OSBPL10: variants seen among roughly 807,000 people sequenced by gnomAD.
OSBPL10 encodes oxysterol-binding protein-related protein 10.
In OSBPL10, 49 loss-of-function variants were observed where a neutral mutation model predicts 81.7. The ratio of observed to expected loss-of-function variants is 0.60; its 90% confidence interval spans 0.48 to 0.76. The LOEUF is 0.76. Among genes scored for constraint, OSBPL10 ranks in the 30% least tolerant of loss-of-function variants. The probability of loss-of-function intolerance (pLI) is 0.00; values close to 1 mark genes in which losing one functional copy is unlikely to be tolerated. For missense variants in OSBPL10, 923 were observed against 987.8 expected (o/e 0.93, Z 0.88); for synonymous variants, 419 against 383.6 (o/e 1.09, Z -1.08).
In OSBPL10 at chr3:31,661,968, C is replaced by G; in HGVS notation, c.*104G>C. 1 of 1,465,858 alleles carries G rather than the reference C, an allele frequency of 6.8e-7. No individual in the cohort carries two copies. Among genetic ancestry groups the G allele is most frequent in the Non-Finnish European group, 9.3e-7 (1 of 1,076,786 alleles). The allele number at this position is 1,465,858 out of a possible 1,614,324, so 90.8% of individuals were successfully genotyped here. ...TCTCTCTCTCATCATTTCTTGGATG[C>G]TAATACAAGGTCTCAGTGAATGCCA... On this transcript the variant is annotated 3_prime_UTR_variant, in exon 12 of 12. Coordinates refer to ENST00000396556, the MANE Select transcript of OSBPL10 (RefSeq NM_017784.5).
At chr3:31,762,629 C>CTTTTTTTTTTTTT (rs1491572896) in intron 4 of OSBPL10, among the ~76,000 whole-genome samples, 6 of 17,234 alleles carry the variant, frequency 3.5e-4, no homozygotes, top group East Asian at 3.0e-3. Context: ...CCATGCCCAG[C>CTTTTTTTTTTTTT]ATTTTTTTTT....
chr3:32,026,092 T>TGATA (rs66576967), intron 2 of OSBPL10, among the ~76,000 whole-genome samples: 2 of 137,730 alleles, frequency 1.5e-5, no homozygotes, highest in Non-Finnish European at 3.1e-5. Flanking sequence ...GATAGATAGA[T>TGATA]GATAGATAGA....
chr3:32,058,750 CTTG>C (rs1699732264), intron 1 of OSBPL10, among the ~76,000 whole-genome samples: 1 of 152,228 alleles, frequency 6.6e-6, no homozygotes, highest in Admixed American at 6.5e-5. Flanking sequence ...TTACTGCAGC[CTTG>C]ACCTGGGCTC....
rs1447224271 is a variant in OSBPL10 at position 31,807,429 on chromosome 3, A to C, written c.729+22611T>G. ...AGATTCACTCTGCATGCTGTGTTGG[A>C]GGATATATGGTGGGTGTCAAGGGCA... On this transcript the variant is annotated intron_variant, in intron 4 of 11. Transcript: ENST00000396556. 2.0e-5 allele frequency among the ~76,000 whole-genome samples: 3 copies of C among 150,406 alleles called. No individual in the cohort carries two copies. The East Asian group carries it at 5.8e-4, about 29-fold the overall frequency.
At chr3:31,958,157 G>C (rs1453471830) in intron 1 of OSBPL10, among the ~76,000 whole-genome samples, 1 of 152,180 alleles carries the variant, frequency 6.6e-6, no homozygotes, top group Non-Finnish European at 1.5e-5. Context: ...TTAACTTAGA[G>C]CTAAAGCGTG....
chr3:31,713,029 A>G (rs1248414584), intron 6 of OSBPL10, among the ~76,000 whole-genome samples: 2 of 152,088 alleles, frequency 1.3e-5, no homozygotes, highest in African/African-American at 4.8e-5. Flanking sequence ...AGCCACCGTC[A>G]CCTCTCTCTC....
intron 1 of OSBPL10, among the ~76,000 whole-genome samples, chr3:32,059,897 GCCAGAC>G (rs1699742222): frequency 6.6e-6 from 1 of 152,048 alleles, no homozygotes; most frequent in Non-Finnish European, 1.5e-5. Flanking sequence ...GGGAGACAGA[GCCAGAC>G]CCTGTCTCAA....
intron 6 of OSBPL10, among the ~76,000 whole-genome samples, chr3:31,731,411 T>C (rs951429342): frequency 9.9e-5 from 15 of 151,996 alleles, no homozygotes; most frequent in African/African-American, 3.6e-4. Flanking sequence ...TCTACTTTAA[T>C]GAAAAAAGCT....
At chr3:31,844,514 C>CA (rs1435962285) in intron 3 of OSBPL10, among the ~76,000 whole-genome samples, 2 of 152,104 alleles carry the variant, frequency 1.3e-5, no homozygotes, top group Non-Finnish European at 1.5e-5. Context: ...TGTTGAAACT[C>CA]AAAAACATTA....
intron 3 of OSBPL10, among the ~76,000 whole-genome samples, chr3:31,843,592 T>C (rs1700555710): frequency 6.6e-6 from 1 of 152,196 alleles, no homozygotes; most frequent in Non-Finnish European, 1.5e-5. Flanking sequence ...CAAAATGGTA[T>C]GCTTGCTTTA....
intron 1 of OSBPL10, among the ~76,000 whole-genome samples, chr3:31,966,176 T>A (rs1457790744): frequency 1.3e-5 from 2 of 148,184 alleles, no homozygotes; most frequent in Non-Finnish European, 3.0e-5. Context: ...TGTGTGTGTG[T>A]GTGTGTGTGT....
At chr3:31,886,674 G>A (rs183544154) in intron 1 of OSBPL10, among the ~76,000 whole-genome samples, 2,470 of 152,298 alleles carry the variant, frequency 0.016, 64 homozygotes, top group African/African-American at 0.056. Context: ...GGATGCGGTG[G>A]ATCACGCCTG....
intron 3 of OSBPL10, among the ~76,000 whole-genome samples, chr3:31,838,929 C>T (rs541949922): frequency 6.6e-6 from 1 of 152,232 alleles, no homozygotes; most frequent in African/African-American, 2.4e-5. Flanking sequence ...GACTACACCC[C>T]GCATAGCATT....
intron 2 of OSBPL10, among the ~76,000 whole-genome samples, chr3:31,877,200 G>A (rs999980017): frequency 2.6e-5 from 4 of 152,108 alleles, no homozygotes; most frequent in African/African-American, 9.7e-5. Flanking sequence ...CACTGCACCC[G>A]GCCTCAAAGG....
chr3:31,948,704 ATTTC>A (rs750748142), intron 1 of OSBPL10, among the ~76,000 whole-genome samples: 1 of 152,214 alleles, frequency 6.6e-6, no homozygotes, highest in Non-Finnish European at 1.5e-5. Flanking sequence ...TCCAAGAAGT[ATTTC>A]TTTGCCTTTC....
At chr3:31,745,390 A>C (rs899594982) in intron 5 of OSBPL10, among the ~76,000 whole-genome samples, 4 of 152,244 alleles carry the variant, frequency 2.6e-5, no homozygotes, top group Non-Finnish European at 5.9e-5. Flanking sequence ...TATAAGGAAA[A>C]GGTGAAGCAA....
chr3:31,794,721 AG>A (rs1386969327), intron 4 of OSBPL10: 6 of 297,252 alleles, frequency 2.0e-5, no homozygotes, highest in Admixed American at 7.5e-5. Context: ...CTCTGAGGGC[AG>A]GGGGGTCTCC....
Position 32,076,398 on chromosome 3 carries a change from G to A in OSBPL10, n.185+998C>T, listed in dbSNP as rs535924683. Among the ~76,000 whole-genome samples, 130 of 151,708 alleles carry A rather than the reference G, an allele frequency of 8.6e-4. 1 individual carries two copies. The highest frequency in any genetic ancestry group is 2.9e-3 in the African/African-American group (122 of 41,384). Reference sequence around the variant, plus strand: ...AAAAAAAAGAATCCCACCACCCTTTGCTGACTCTCTTTTCAGACTCAGCCT... The same window carrying A: ...AAAAAAAAGAATCCCACCACCCTTTACTGACTCTCTTTTCAGACTCAGCCT... On this transcript the variant is annotated intron_variant and non_coding_transcript_variant, in intron 1 of 3. Transcript: ENST00000479173.
intron 4 of OSBPL10, among the ~76,000 whole-genome samples, chr3:31,775,230 A>G (rs939598066): frequency 2.0e-5 from 3 of 152,088 alleles, no homozygotes; most frequent in African/African-American, 7.2e-5. Flanking sequence ...TTTAAAAAAG[A>G]GTTTGCCCCG....
Sources: gnomAD v4.1 joint callset for allele counts (sites outside exome capture counted in the v4.1 genomes callset) on GRCh38, gnomAD v4.1.1 for gene constraint, MANE v1.5 for transcripts, NCBI Gene and HGNC (gene_info 2026-07-23, HGNC 2026-07-21) for gene names.